Variants in SPC24 observed in about 807,000 individuals in gnomAD.
The protein encoded by SPC24 is kinetochore protein Spc24.
In SPC24, 31 loss-of-function variants were observed where a neutral mutation model predicts 27.6. The observed-to-expected ratio is 1.12, with a 90% confidence interval of 0.84 to 1.52. The LOEUF (loss-of-function observed/expected upper bound fraction) is 1.52. SPC24 is among the 40% of genes most tolerant of loss of function. The probability of loss-of-function intolerance (pLI) is 0.00; values close to 1 mark genes in which losing one functional copy is unlikely to be tolerated. For missense variants in SPC24, 284 were observed against 252.5 expected (o/e 1.12, Z -0.84); for synonymous variants, 105 against 105.8 (o/e 0.99, Z 0.05).
At chr19:11,153,857 G>A (rs2077891476) in intron 1 of SPC24, among the ~76,000 whole-genome samples, 1 of 151,532 alleles carries the variant, frequency 6.6e-6, no homozygotes, top group South Asian at 2.1e-4. Flanking sequence ...CATGAGGTCA[G>A]GAGATCGAGA....
intron 1 of SPC24, among the ~76,000 whole-genome samples, chr19:11,152,524 A>G (rs756543580): frequency 5.9e-5 from 9 of 152,172 alleles, no homozygotes; most frequent in Non-Finnish European, 1.3e-4. Flanking sequence ...GGTGTACTTT[A>G]ACTCCTCTGC....
intron 1 of SPC24, among the ~76,000 whole-genome samples, chr19:11,152,065 C>A (rs1267410817): frequency 4.1e-4 from 62 of 151,812 alleles, no homozygotes; most frequent in Non-Finnish European, 5.9e-5. Flanking sequence ...GGATTACAGG[C>A]ATGCACCACC....
chr19:11,145,814 A>G lies in SPC24; in HGVS notation c.*1369T>C, dbSNP rs2077819521. ...TAGAAGTGTCATGTAACATTTCCAC[A>G]TACATTTCACTGGCCAGACCTTAAC... On this transcript the variant is annotated 3_prime_UTR_variant, in exon 5 of 5. Coordinates refer to ENST00000592540, the MANE Select transcript of SPC24 (RefSeq NM_182513.4). 6.6e-6 allele frequency: 1 copy of G among 152,206 alleles called. No individual in the cohort carries two copies. Among genetic ancestry groups the G allele is most frequent in the African/African-American group, 2.4e-5 (1 of 41,442 alleles). 9.4% of individuals were successfully genotyped at this position (152,206 alleles called of 1,614,324 possible). A position where few individuals can be genotyped will look rare whatever the true frequency, so the allele number is the denominator to read the frequency against.
intron 1 of SPC24, among the ~76,000 whole-genome samples, chr19:11,155,059 G>A (rs1280396590): frequency 6.6e-6 from 1 of 152,064 alleles, no homozygotes; most frequent in East Asian, 1.9e-4. Context: ...GGTGGCAAGC[G>A]CCTGTAATCC....
rs928609543 is a variant in SPC24 at position 11,155,601 on chromosome 19, A to G, written c.160+16T>C. 4.6e-6 allele frequency: 7 copies of G among 1,534,734 alleles called. No individual in the cohort carries two copies. In the African/African-American group the frequency reaches 6.9e-5, roughly 15 times the overall value. On this transcript the variant is annotated intron_variant, in intron 1 of 4. Transcript: ENST00000592540. ...CCCCTTCCCCCGTGGGCCCGCGACC[A>G]CGCTCCGACCCTCACCTCGCAGCTG... is the stretch of plus-strand genomic sequence containing the variant.
chr19:11,154,670 G>A (rs2077897694), intron 1 of SPC24, among the ~76,000 whole-genome samples: 1 of 108,594 alleles, frequency 9.2e-6, no homozygotes, highest in African/African-American at 3.9e-5. Flanking sequence ...AGGAAGGGTA[G>A]ATATTGTACA....
At chr19:11,147,716 A>T in intron 4 of SPC24, 102 bp downstream of exon 4, 1 of 1,060,668 alleles carries the variant, frequency 9.4e-7, no homozygotes, top group African/African-American at 1.6e-5. Flanking sequence ...CAACAGATGC[A>T]CGCCACCACA....
Position 11,148,058 on chromosome 19 carries a change from T to G in SPC24, c.365A>C (p.Glu122Ala). Reference sequence around the variant, plus strand: ...TGTCGTGTCCTCGTCGACCTCCTTCTCCTGTCGCTCCAGATCCGCCTCAAT... The same window carrying G: ...TGTCGTGTCCTCGTCGACCTCCTTCGCCTGTCGCTCCAGATCCGCCTCAAT... The part of the protein sequence containing the change: ...KEIEADLERQ[E>A]KEVDEDTTVT... Residue 122 changes from glutamate (E) to alanine (A), a missense_variant, in exon 3 of 5, where the codon GAG (glutamate) becomes GCG (alanine). By Grantham distance (107) the Glu-to-Ala change is moderately radical. Transcript: ENST00000592540. 1 of 1,613,844 alleles carries G rather than the reference T, an allele frequency of 6.2e-7. No individual in the cohort carries two copies.
intron 1 of SPC24, among the ~76,000 whole-genome samples, chr19:11,152,304 G>A (rs558136747): frequency 6.6e-6 from 1 of 151,706 alleles, no homozygotes; most frequent in Non-Finnish European, 1.5e-5. Context: ...CCACCTCCCA[G>A]GTTCAAGCAA....
At chr19:11,154,582 G>C (rs1159944387) in intron 1 of SPC24, among the ~76,000 whole-genome samples, 1 of 152,126 alleles carries the variant, frequency 6.6e-6, no homozygotes, top group Non-Finnish European at 1.5e-5. Flanking sequence ...TACAGGCTAT[G>C]ACATGGATGA....
At chr19:11,155,479 GA>G (rs2077903571) in intron 1 of SPC24, 137 bp downstream of exon 1, 1 of 1,045,658 alleles carries the variant, frequency 9.6e-7, no homozygotes, top group Admixed American at 3.1e-5. Context: ...CTAAGGCTCA[GA>G]GGGGGCCGTC....
chr19:11,154,350 C>A (rs1416141869), intron 1 of SPC24, among the ~76,000 whole-genome samples: 2 of 152,074 alleles, frequency 1.3e-5, no homozygotes, highest in African/African-American at 4.8e-5. Context: ...ACCAGCCTAG[C>A]CAACATGGTG....
At position 11,147,715 on chromosome 19, in the gene SPC24, C is replaced by T. The variant is rs1028287857; in HGVS notation, c.487+103G>A. 2.9e-5 allele frequency: 30 copies of T among 1,042,984 alleles called. No individual in the cohort carries two copies. The African/African-American group carries it at 4.0e-4, about 14-fold the overall frequency. The allele number at this position is 1,042,984 out of a possible 1,614,324, so 64.6% of individuals were successfully genotyped here. A position where few individuals can be genotyped will look rare whatever the true frequency, so the allele number is the denominator to read the frequency against. On this transcript the variant is annotated intron_variant, in intron 4 of 4. Coordinates refer to ENST00000592540, the MANE Select transcript of SPC24 (RefSeq NM_182513.4). ...TCCCAGGTAGCTGGGACAACAGATG[C>T]ACGCCACCACACCCGGCTAATTTTT...
At chr19:11,147,330 C>T in intron 4 of SPC24, 41 bp from the exon 5 acceptor site, 1 of 1,357,592 alleles carries the variant, frequency 7.4e-7, no homozygotes, top group Non-Finnish European at 1.0e-6. Context: ...CACACAGCCC[C>T]TCACACAACC....
intron 1 of SPC24, among the ~76,000 whole-genome samples, chr19:11,151,799 G>A (rs919509130): frequency 2.6e-5 from 4 of 151,754 alleles, no homozygotes; most frequent in Admixed American, 6.6e-5. Context: ...TACCGGAGAC[G>A]GTGTTTCACC....
chr19:11,147,328 C>T, intron 4 of SPC24, 39 bp from the exon 5 acceptor site: 1 of 1,393,074 alleles, frequency 7.2e-7, no homozygotes, highest in South Asian at 1.3e-5. Context: ...GACACACAGC[C>T]CCTCACACAA....
chr19:11,154,617 A>G (rs942733770), intron 1 of SPC24, among the ~76,000 whole-genome samples: 35 of 152,200 alleles, frequency 2.3e-4, no homozygotes, highest in Non-Finnish European at 2.5e-4. Flanking sequence ...ATGCTCCATG[A>G]AATAAGCCAG....
intron 1 of SPC24, among the ~76,000 whole-genome samples, chr19:11,150,636 A>C (rs2077863997): frequency 6.6e-6 from 1 of 151,556 alleles, no homozygotes; most frequent in Non-Finnish European, 1.5e-5. Flanking sequence ...CTCTACTAAA[A>C]ACACAAAAAA....
rs1187101513 is a variant in SPC24, at chr19:11,155,666, C to A, written c.111G>T (p.Val37=). ...CTTGCGTTTCCAGCAGCCGCTCCACCACCTGCTCGTGGCGCCCCAGCAGCC... is the reference window on the plus strand; with the variant it reads ...CTTGCGTTTCCAGCAGCCGCTCCACAACCTGCTCGTGGCGCCCCAGCAGCC... ...QRRLLGRHEQ[V]VERLLETQDG... is the part of the protein sequence containing the mutation. Residue 37 remains valine, a synonymous_variant, in exon 1 of 5, where the codon GTG becomes GTT. Coordinates refer to ENST00000592540, the MANE Select transcript of SPC24 (RefSeq NM_182513.4). 2 of 1,557,878 alleles carry A rather than the reference C, an allele frequency of 1.3e-6. No homozygotes were observed. The highest frequency in any genetic ancestry group is 1.4e-5 in the African/African-American group (1 of 73,392).
Sources: gnomAD v4.1 joint callset for allele counts (sites outside exome capture counted in the v4.1 genomes callset) on GRCh38, gnomAD v4.1.1 for gene constraint, MANE v1.5 for transcripts, NCBI Gene and HGNC (gene_info 2026-07-23, HGNC 2026-07-21) for gene names.